The following USP47 variants were observed in gnomAD, a reference collection of about 807,000 sequenced individuals.
The protein encoded by USP47 is ubiquitin specific peptidase 47.
Under a neutral mutation model 165.1 loss-of-function variants are expected in USP47, and 35 were observed. The observed-to-expected ratio is 0.21, with a 90% CI of 0.16 to 0.28. The LOEUF is 0.28. USP47 is among the 10% of genes least tolerant of loss of function. USP47 has a pLI of 1.00. For missense variants in USP47, 1,277 were observed against 1,607.4 expected (o/e 0.79, Z 3.52); for synonymous variants, 531 against 544.5 (o/e 0.98, Z 0.35).
At chr11:11,921,534 C>T (rs540541846) in intron 10 of USP47, among the ~76,000 whole-genome samples, 1 of 151,906 alleles carries the variant, frequency 6.6e-6, no homozygotes, top group South Asian at 2.1e-4. Flanking sequence ...TAACTATGAT[C>T]AATAACATTT....
intron 11 of USP47, among the ~76,000 whole-genome samples, chr11:11,926,707 TTTC>T (rs560008232): frequency 4.0e-5 from 6 of 151,874 alleles, no homozygotes; most frequent in Admixed American, 6.6e-5. Context: ...ATCTAGTTTT[TTTC>T]TTCTTCTTCC....
intron 1 of USP47, among the ~76,000 whole-genome samples, chr11:11,847,714 A>G (rs1233280566): frequency 1.3e-5 from 2 of 151,998 alleles, no homozygotes; most frequent in African/African-American, 4.8e-5. Context: ...TATTTTCTCC[A>G]ATGTGTAGCC....
chr11:11,863,283 A>G (rs964790080), intron 1 of USP47, among the ~76,000 whole-genome samples: 5 of 152,244 alleles, frequency 3.3e-5, no homozygotes, highest in African/African-American at 1.2e-4. Flanking sequence ...ACATGAAATC[A>G]CAAAAATAGA....
Position 11,943,103 on chromosome 11 carries a change from G to C in USP47, c.3082G>C (p.Gly1028Arg). ...PYAADEGSGE[G>R]HKWLMVHVDK... ...TGCTGCAGATGAAGGTTCTGGGGAA[G>C]GACATAAATGTATGTACTTCAAAAG... Residue 1028 changes from glycine to arginine, a missense_variant, in exon 20 of 28, where the codon GGA (glycine) becomes CGA (arginine). Gly to Arg is a moderately radical substitution (Grantham distance 125). Transcript: ENST00000527733. 1 of 1,605,226 alleles carries C rather than the reference G, an allele frequency of 6.2e-7. No individual in the cohort carries two copies. Among genetic ancestry groups the C allele is most frequent in the Non-Finnish European group, 8.5e-7 (1 of 1,176,508 alleles).
At chr11:11,891,384 A>G (rs1851502809) in intron 3 of USP47, among the ~76,000 whole-genome samples, 1 of 152,352 alleles carries the variant, frequency 6.6e-6, no homozygotes, top group East Asian at 1.9e-4. Context: ...GTACTGAAGC[A>G]GTAACAGAAT....
rs1376492355 is a variant in USP47 at position 11,959,927 on chromosome 11, C to T, written c.*3752C>T. Among the ~76,000 whole-genome samples the T allele has an allele frequency of 5.3e-5, 8 of 152,154 alleles. No individual in the cohort carries two copies. The highest frequency in any genetic ancestry group is 1.2e-4 in the African/African-American group (5 of 41,440). On this transcript the variant is annotated 3_prime_UTR_variant, in exon 28 of 28. Transcript: ENST00000527733. Reference sequence around the variant, plus strand: ...CCATGTTTCCCACCTGCCCTCTCCCCACCTGTTTTCAGCCTCTTTTATAAT... The same window carrying T: ...CCATGTTTCCCACCTGCCCTCTCCCTACCTGTTTTCAGCCTCTTTTATAAT...
intron 1 of USP47, chr11:11,873,823 A>C: frequency 6.7e-7 from 1 of 1,491,796 alleles, no homozygotes; most frequent in Non-Finnish European, 8.9e-7. Context: ...GATGCAGACA[A>C]AATATCTTTG....
chr11:11,853,840 C>T (rs1217109314), intron 1 of USP47, among the ~76,000 whole-genome samples: 1 of 152,042 alleles, frequency 6.6e-6, no homozygotes, highest in Non-Finnish European at 1.5e-5. Context: ...AAATCCTATC[C>T]AACCGGCTGG....
chr11:11,957,411 A>G lies in USP47; in HGVS notation c.*1236A>G, dbSNP rs1847253709. 1 of 152,662 alleles carries G rather than the reference A, an allele frequency of 6.6e-6. No individual in the cohort carries two copies. Among genetic ancestry groups the G allele is most frequent in the African/African-American group, 2.4e-5 (1 of 41,458 alleles). 9.5% of individuals were successfully genotyped at this position (152,662 alleles called of 1,614,324 possible). ...AACACAATTCTACATAAATTTTGAC[A>G]TACCATCTAATTTATAAAAATCAAT... is the stretch of plus-strand genomic sequence containing the variant. On this transcript the variant is annotated 3_prime_UTR_variant, in exon 28 of 28. Transcript: ENST00000527733.
At chr11:11,915,612 A>C (rs1184583363) in intron 8 of USP47, among the ~76,000 whole-genome samples, 4 of 152,204 alleles carry the variant, frequency 2.6e-5, no homozygotes, top group Non-Finnish European at 5.9e-5. Context: ...GAAGTGTACA[A>C]GAGGTCTCTG....
At chr11:11,870,833 C>G (rs1244006886) in intron 1 of USP47, among the ~76,000 whole-genome samples, 2 of 152,114 alleles carry the variant, frequency 1.3e-5, no homozygotes, top group Admixed American at 6.5e-5. Context: ...ATTCATTCAT[C>G]TACATCAGTG....
chr11:11,919,316 T>G (rs140526691), intron 8 of USP47, among the ~76,000 whole-genome samples: 70 of 152,106 alleles, frequency 4.6e-4, no homozygotes, highest in African/African-American at 1.5e-3. Context: ...TTAGTTTATG[T>G]GTAATATTAT....
In USP47 at chr11:11,960,260, A is replaced by G. The variant is rs1167902350; in HGVS notation, c.*4085A>G. On this transcript the variant is annotated 3_prime_UTR_variant, in exon 28 of 28. Coordinates refer to ENST00000527733, the MANE Select transcript of USP47 (RefSeq NM_001282659.2). ...GAAGAGGCCAGGAAGAGCGGGGGGAAGACATGTGCTAACCACTTCTTAGCA... is the reference window on the plus strand; with the variant it reads ...GAAGAGGCCAGGAAGAGCGGGGGGAGGACATGTGCTAACCACTTCTTAGCA... 6.6e-6 allele frequency among the ~76,000 whole-genome samples: 1 copy of G among 152,200 alleles called. No homozygotes were observed. The highest frequency in any genetic ancestry group is 1.5e-5 in the Non-Finnish European group (1 of 68,032).
At chr11:11,939,254 T>G (rs1249115477) in intron 18 of USP47, among the ~76,000 whole-genome samples, 2 of 152,058 alleles carry the variant, frequency 1.3e-5, no homozygotes, top group Admixed American at 6.6e-5. Context: ...AACCGTAGGT[T>G]AATATTCCCT....
chr11:11,862,196 G>C (rs1425892236), intron 1 of USP47, among the ~76,000 whole-genome samples: 1 of 151,968 alleles, frequency 6.6e-6, no homozygotes, highest in Non-Finnish European at 1.5e-5. Flanking sequence ...TCAGTTTCTA[G>C]AAATTAAGTT....
At chr11:11,867,892 T>C (rs1373902730) in intron 1 of USP47, among the ~76,000 whole-genome samples, 1 of 152,148 alleles carries the variant, frequency 6.6e-6, no homozygotes, top group Non-Finnish European at 1.5e-5. Flanking sequence ...GTTTTGTTTT[T>C]TTTTTACCAC....
intron 3 of USP47, among the ~76,000 whole-genome samples, chr11:11,888,114 A>G (rs1056145066): frequency 3.3e-5 from 5 of 152,194 alleles, no homozygotes; most frequent in African/African-American, 1.2e-4. Context: ...AAAAGCTAGG[A>G]AGATGTCAAG....
intron 1 of USP47, chr11:11,873,665 G>A: frequency 2.5e-6 from 1 of 396,712 alleles, no homozygotes; most frequent in Non-Finnish European, 4.3e-6. Context: ...TAAAATTCTA[G>A]ATGATGTACT....
intron 1 of USP47, among the ~76,000 whole-genome samples, chr11:11,878,328 A>G (rs938061938): frequency 1.3e-5 from 2 of 152,216 alleles, no homozygotes; most frequent in East Asian, 3.8e-4. Context: ...TCTGGCTACT[A>G]CAGTATTTTA....
Sources: gnomAD v4.1 joint callset for allele counts (sites outside exome capture counted in the v4.1 genomes callset) on GRCh38, gnomAD v4.1.1 for gene constraint, MANE v1.5 for transcripts, NCBI Gene and HGNC (gene_info 2026-07-23, HGNC 2026-07-21) for gene names.